Variants in SEMA4B observed in about 807,000 individuals in gnomAD.
The protein encoded by SEMA4B is semaphorin-4B.
In SEMA4B, 55 loss-of-function variants were observed where a neutral mutation model predicts 88.1. The ratio of observed to expected loss-of-function variants is 0.62; its 90% CI spans 0.50 to 0.78. SEMA4B has a LOEUF of 0.78. Ranked by LOEUF, SEMA4B falls within the 30% of genes least tolerant of loss-of-function variation. The probability of loss-of-function intolerance (pLI) is 0.00; values close to 1 mark genes in which losing one functional copy is unlikely to be tolerated. For missense variants in SEMA4B, 1,062 were observed against 1,111.9 expected, an observed-to-expected ratio of 0.96 and a Z score of 0.64; for synonymous variants, 525 against 473.6, an observed-to-expected ratio of 1.11 and a Z score of -1.41.
chr15:90,184,920 A>C (rs925964415), upstream of SEMA4B: 12 of 985,540 alleles, frequency 1.2e-5, no homozygotes, highest in East Asian at 4.5e-4. Context: ...GGGGCCCAGC[A>C]TTTCCGGGGA....
chr15:90,214,942 G>T, intron 1 of SEMA4B: 3 of 1,269,296 alleles, frequency 2.4e-6, no homozygotes, highest in South Asian at 1.3e-5. Context: ...ACCAGGCTGG[G>T]GGTATGTAAA....
chr15:90,229,547 G>A lies in SEMA4B; in HGVS notation c.*904G>A, dbSNP rs1351379317. 2 of 385,778 alleles carry A rather than the reference G, an allele frequency of 5.2e-6. No homozygotes were observed. The highest frequency in any genetic ancestry group is 1.0e-5 in the Non-Finnish European group (2 of 191,346). The allele number at this position is 385,778 out of a possible 1,614,324, so 23.9% of individuals were successfully genotyped here. The stretch of plus-strand genomic sequence containing the variant: ...CATCCCTCACCTTCCTCCACTCTAA[G>A]GGATATCAACACTGCCCAGCACAGG... On this transcript the variant is annotated 3_prime_UTR_variant, in exon 14 of 14. Coordinates refer to ENST00000411539, the MANE Select transcript of SEMA4B (RefSeq NM_198925.4).
intron 1 of SEMA4B, chr15:90,206,565 C>A (rs1275697130): frequency 1.8e-5 from 9 of 506,090 alleles, no homozygotes; most frequent in Non-Finnish European, 2.5e-5. Context: ...CCGTAACCCA[C>A]TGCCATGGCC....
At position 90,225,820 on chromosome 15, in the gene SEMA4B, G is replaced by T; in HGVS notation, c.1681G>T (p.Ala561Ser). 1 of 1,528,672 alleles carries T rather than the reference G, an allele frequency of 6.5e-7. No individual in the cohort carries two copies. Among genetic ancestry groups the T allele is most frequent in the Non-Finnish European group, 8.8e-7 (1 of 1,138,662 alleles). The allele number at this position is 1,528,672 out of a possible 1,614,324, so 94.7% of individuals were successfully genotyped here. A position where few individuals can be genotyped will look rare whatever the true frequency, so the allele number is the denominator to read the frequency against. ...CGTCAGCCTCTACCAGCCTCAGCTG[G>T]CCACCAGGTGAGCACTCCCAAAGGC... ...KHVSLYQPQL[A>S]TRPWIQDIEG... The change falls in exon 12 of 14, where the codon GCC becomes TCC. Residue 561 changes from alanine (A) to serine (S), a missense_variant. Coordinates refer to ENST00000411539, the MANE Select transcript of SEMA4B (RefSeq NM_198925.4).
chr15:90,189,067 T>C (rs1253673292), intron 1 of SEMA4B, among the ~76,000 whole-genome samples: 2 of 151,764 alleles, frequency 1.3e-5, no homozygotes, highest in Non-Finnish European at 2.9e-5. Flanking sequence ...TGAGCAATAC[T>C]TAGAAGGCAG....
intron 1 of SEMA4B, among the ~76,000 whole-genome samples, chr15:90,205,424 AGTGGAAGGCGCTCTAACT>A (rs1030175107): frequency 5.1e-4 from 77 of 152,180 alleles, no homozygotes; most frequent in African/African-American, 1.8e-3. Context: ...TGCAGAGGTG[AGTGGAAGGCGCTCTAACT>A]GCGGATGCTC....
In SEMA4B at chr15:90,224,000, C is replaced by T. The variant is rs774838342; in HGVS notation, c.1194+12C>T. 3 of 1,602,832 alleles carry T rather than the reference C, an allele frequency of 1.9e-6. No homozygotes were observed. The highest frequency in any genetic ancestry group is 1.1e-5 in the South Asian group (1 of 90,780). ...CCCGGCCTGGAGCGGTGGGTACTGG[C>T]TCCCTGCACCCAGAAGGGGTGCCGG... On this transcript the variant is annotated intron_variant, in intron 9 of 13. Transcript: ENST00000411539.
chr15:90,195,980 C>T (rs1235167511), intron 1 of SEMA4B, among the ~76,000 whole-genome samples: 6 of 140,196 alleles, frequency 4.3e-5, no homozygotes, highest in Admixed American at 3.8e-4. Flanking sequence ...AGTGCAGTGG[C>T]GCGATCTCGG....
chr15:90,186,463 C>T (rs185846702), intron 1 of SEMA4B, among the ~76,000 whole-genome samples: 93 of 151,214 alleles, frequency 6.2e-4, no homozygotes, highest in African/African-American at 2.1e-3. Flanking sequence ...CTAGTAAAAA[C>T]ACAAAATTAG....
chr15:90,217,301 C>G (rs1961577090), intron 1 of SEMA4B, 138 bp from the exon 2 acceptor site: 3 of 760,184 alleles, frequency 3.9e-6, no homozygotes, highest in South Asian at 3.9e-5. Context: ...ACCTGATCCC[C>G]CTGCCCCCAG....
intron 1 of SEMA4B, 75 bp downstream of exon 1, chr15:90,201,810 C>A: frequency 7.5e-7 from 1 of 1,331,658 alleles, no homozygotes; most frequent in Non-Finnish European, 9.7e-7. Flanking sequence ...CGGAGGTGGC[C>A]GTGACAAAGG....
chr15:90,190,692 A>G (rs1323240398), intron 1 of SEMA4B, among the ~76,000 whole-genome samples: 2 of 152,044 alleles, frequency 1.3e-5, no homozygotes, highest in Non-Finnish European at 2.9e-5. Context: ...TAGATTCCTC[A>G]CTTCATGGGA....
At position 90,217,609 on chromosome 15, in the gene SEMA4B, G is replaced by A; in HGVS notation, c.321+7G>A. The A allele has an allele frequency of 1.2e-6, 2 of 1,613,344 alleles. No homozygotes were observed. Among genetic ancestry groups the A allele is most frequent in the Non-Finnish European group, 1.7e-6 (2 of 1,179,488 alleles). On this transcript the variant is annotated splice_region_variant and intron_variant, in intron 2 of 13. Transcript: ENST00000411539. ...AGGCGGGGAGTACCAGGAGGTGAGA[G>A]ATGTTGCCTGGAGCTGGCTAGGCTG...
At chr15:90,227,455 T>C in intron 12 of SEMA4B, 102 bp from the exon 13 acceptor site, 1 of 969,482 alleles carries the variant, frequency 1.0e-6, no homozygotes, top group Non-Finnish European at 1.6e-6. Flanking sequence ...GGGAATCAGC[T>C]CAGGAAAGGC....
chr15:90,191,010 G>A (rs1018876368), intron 1 of SEMA4B, among the ~76,000 whole-genome samples: 6 of 152,174 alleles, frequency 3.9e-5, no homozygotes, highest in African/African-American at 1.4e-4. Context: ...CTGGACAGGC[G>A]AGTGGGTGCA....
intron 1 of SEMA4B, among the ~76,000 whole-genome samples, chr15:90,186,609 A>T (rs1960173780): frequency 6.6e-6 from 1 of 150,792 alleles, no homozygotes. Context: ...AACAAGAGTG[A>T]AACTCCATCT....
intron 3 of SEMA4B, 102 bp from the exon 4 acceptor site, chr15:90,219,691 G>A (rs941264671): frequency 9.5e-6 from 8 of 845,778 alleles, no homozygotes; most frequent in Non-Finnish European, 1.5e-5. Flanking sequence ...CCCCAGTCCT[G>A]GGAGCAGAGG....
intron 1 of SEMA4B, chr15:90,191,911 G>C (rs1224133381): frequency 1.3e-5 from 2 of 152,264 alleles, no homozygotes; most frequent in Non-Finnish European, 2.9e-5. Context: ...TGTGCCAGCT[G>C]GTGTCGCTTC....
upstream of SEMA4B, chr15:90,201,232 C>A (rs1249737725): frequency 2.3e-6 from 2 of 863,022 alleles, no homozygotes; most frequent in Non-Finnish European, 2.8e-6. Context: ...CCCGAGCTGC[C>A]GCCCCTCGCG....
Sources: gnomAD v4.1 joint callset for allele counts (sites outside exome capture counted in the v4.1 genomes callset) on GRCh38, gnomAD v4.1.1 for gene constraint, MANE v1.5 for transcripts, NCBI Gene and HGNC (gene_info 2026-07-23, HGNC 2026-07-21) for gene names.